Variants in ANKMY2 observed in about 807,000 individuals in gnomAD.
The protein encoded by ANKMY2 is ankyrin repeat and MYND domain-containing protein 2.
A neutral mutation model predicts 50.4 loss-of-function variants in ANKMY2; 36 were observed. The observed-to-expected ratio is 0.71, with a 90% confidence interval of 0.55 to 0.94. The LOEUF (loss-of-function observed/expected upper bound fraction) is 0.94, where lower values mean the gene tolerates loss of function less well. ANKMY2 is among the 40% of genes least tolerant of loss of function. The pLI is 0.00. For synonymous variants in ANKMY2, 187 were observed against 178.8 expected, an observed-to-expected ratio of 1.05 and a Z score of -0.36; for missense variants, 565 against 524.0, an observed-to-expected ratio of 1.08 and a Z score of -0.76.
In ANKMY2 at chr7:16,617,914, CGT is replaced by C. The variant is rs1491329648; in HGVS notation, c.371-2012_371-2011del. ...GCCAGGAGTTGGAGGCTACAGTGAG[CGT>C]GTTTTTTTTTTTTTTTTTTTTTTTT... On this transcript the variant is annotated intron_variant, in intron 4 of 9. Transcript: ENST00000306999. Among the ~76,000 whole-genome samples, 51 of 125,042 alleles carry C rather than the reference CGT, an allele frequency of 4.1e-4. No homozygotes were observed. The Middle Eastern group carries it at 0.013, about 31-fold the overall frequency. 82.0% of individuals were successfully genotyped at this position (125,042 alleles called of 152,430 possible).
intron 8 of ANKMY2, chr7:16,603,763 C>T (rs1193562210): frequency 2.1e-6 from 1 of 466,704 alleles, no homozygotes; most frequent in African/African-American, 2.0e-5. Context: ...GAGAGGTCTT[C>T]TGTGTTTCTA....
chr7:16,643,366 A>C (rs142789041), intron 1 of ANKMY2, among the ~76,000 whole-genome samples: 3 of 152,358 alleles, frequency 2.0e-5, no homozygotes, highest in Non-Finnish European at 2.9e-5. Flanking sequence ...ATAACAGTCA[A>C]TAAACGTTGG....
At chr7:16,603,659 C>T (rs1011128365) in intron 8 of ANKMY2, 21 of 471,056 alleles carry the variant, frequency 4.5e-5, no homozygotes, top group Non-Finnish European at 8.8e-5. Flanking sequence ...AAGTTCTCTG[C>T]ACTGAAGGGG....
At chr7:16,615,658 G>C (rs1055088355) in intron 5 of ANKMY2, 86 bp downstream of exon 5, 9 of 1,546,590 alleles carry the variant, frequency 5.8e-6, no homozygotes, top group Middle Eastern at 1.8e-4. Context: ...CCCACCCCAA[G>C]ACAATTATGA....
Position 16,615,860 on chromosome 7 carries a change from C to T in ANKMY2, c.415G>A (p.Glu139Lys). 2 of 1,613,942 alleles carry T rather than the reference C, an allele frequency of 1.2e-6. No individual in the cohort carries two copies. The highest frequency in any genetic ancestry group is 2.2e-5 in the South Asian group (2 of 91,030). Reference protein sequence around the residue: ...VTIINNFFPRERLDYYTKPQG... With the variant: ...VTIINNFFPRKRLDYYTKPQG... ...GGCTTAGTGTAATAATCCAGTCTCT[C>T]TCGAGGAAAGAAATTGTTGATTATG... Residue 139 changes from glutamate (E) to lysine (K), a missense_variant, in exon 5 of 10, where the codon GAG becomes AAG. Glu to Lys is a moderately conservative substitution (Grantham distance 56). Coordinates refer to ENST00000306999, the MANE Select transcript of ANKMY2 (RefSeq NM_020319.3).
intron 1 of ANKMY2, among the ~76,000 whole-genome samples, chr7:16,643,748 G>A (rs889397356): frequency 2.0e-5 from 3 of 151,674 alleles, no homozygotes; most frequent in Admixed American, 6.5e-5. Context: ...GCCAGGCCCA[G>A]TGGCTCATGC....
At chr7:16,630,838 C>G (rs1038373910) in intron 2 of ANKMY2, among the ~76,000 whole-genome samples, 2 of 152,132 alleles carry the variant, frequency 1.3e-5, no homozygotes, top group African/African-American at 4.8e-5. Context: ...GAACAAAGCC[C>G]TGAAAGGAGT....
At chr7:16,620,035 G>C (rs1375609826) in intron 4 of ANKMY2, among the ~76,000 whole-genome samples, 1 of 152,196 alleles carries the variant, frequency 6.6e-6, no homozygotes, top group Non-Finnish European at 1.5e-5. Context: ...CAGAAAGCTA[G>C]GCAAAATATG....
At chr7:16,609,890 TGAC>T (rs369114249) in intron 6 of ANKMY2, 125 bp from the exon 7 acceptor site, 1 of 1,188,002 alleles carries the variant, frequency 8.4e-7, no homozygotes, top group African/African-American at 1.6e-5. Context: ...CAAATCATGA[TGAC>T]GGGCTCAGTT....
At chr7:16,615,134 A>C (rs1340677925) in intron 5 of ANKMY2, among the ~76,000 whole-genome samples, 1 of 152,232 alleles carries the variant, frequency 6.6e-6, no homozygotes, top group Non-Finnish European at 1.5e-5. Flanking sequence ...TTACTGGAAG[A>C]ACTATGTTAT....
chr7:16,638,574 C>T (rs181652498), intron 1 of ANKMY2, among the ~76,000 whole-genome samples: 17 of 152,274 alleles, frequency 1.1e-4, no homozygotes, highest in African/African-American at 2.6e-4. Flanking sequence ...ACCTGTAGTT[C>T]AGTAATATTT....
intron 1 of ANKMY2, among the ~76,000 whole-genome samples, chr7:16,643,722 A>G (rs1314487133): frequency 1.3e-5 from 2 of 151,890 alleles, no homozygotes; most frequent in African/African-American, 4.9e-5. Flanking sequence ...TTCACTTTTA[A>G]GAGATCACAT....
Position 16,602,473 on chromosome 7 carries a change from A to G in ANKMY2, c.1048T>C (p.Trp350Arg). ...TTACAGATTTTCTTATGAGTAAACC[A>G]GTGTGTTTTCTGGCAGGTTTGATCA... is the stretch of plus-strand genomic sequence containing the variant. ...YCDQTCQKTH[W>R]FTHKKICKNL... The change falls in exon 9 of 10, where the codon TGG becomes CGG. Residue 350 changes from tryptophan to arginine, a missense_variant. By Grantham distance (101) the Trp-to-Arg change is moderately radical (BLOSUM62 -3). Transcript: ENST00000306999. 1 of 1,613,692 alleles carries G rather than the reference A, an allele frequency of 6.2e-7. No individual in the cohort carries two copies. The highest frequency in any genetic ancestry group is 8.5e-7 in the Non-Finnish European group (1 of 1,179,872).
chr7:16,621,780 C>T (rs1292330788), intron 4 of ANKMY2, among the ~76,000 whole-genome samples: 3 of 152,038 alleles, frequency 2.0e-5, no homozygotes, highest in Admixed American at 1.3e-4. Context: ...ACCAGCCTGG[C>T]CAACATGGCT....
chr7:16,644,816 G>A (rs1379233129), intron 1 of ANKMY2: 3 of 438,918 alleles, frequency 6.8e-6, no homozygotes, highest in Middle Eastern at 3.5e-4. Context: ...GGCACGCCTT[G>A]GGGGAGTGGA....
At chr7:16,623,317 C>T (rs1300545577) in intron 4 of ANKMY2, among the ~76,000 whole-genome samples, 5 of 151,988 alleles carry the variant, frequency 3.3e-5, no homozygotes, top group Non-Finnish European at 7.4e-5. Flanking sequence ...GGAATGAAAA[C>T]ATTACTCTTA....
At chr7:16,621,766 C>T (rs1781438813) in intron 4 of ANKMY2, among the ~76,000 whole-genome samples, 1 of 151,946 alleles carries the variant, frequency 6.6e-6, no homozygotes, top group Non-Finnish European at 1.5e-5. Flanking sequence ...GTCAAGAGTT[C>T]GAGACCAGCC....
intron 3 of ANKMY2, among the ~76,000 whole-genome samples, chr7:16,626,180 G>A (rs1036487502): frequency 2.5e-4 from 38 of 151,854 alleles, no homozygotes; most frequent in African/African-American, 8.0e-4. Flanking sequence ...GGGGTCTCAT[G>A]GTGTTGCCTA....
intron 4 of ANKMY2, among the ~76,000 whole-genome samples, chr7:16,621,215 T>C (rs1781430294): frequency 6.6e-6 from 1 of 152,178 alleles, no homozygotes; most frequent in Non-Finnish European, 1.5e-5. Context: ...ATTCTTACCA[T>C]GTGGACAGTA....
Sources: gnomAD v4.1 joint callset for allele counts (sites outside exome capture counted in the v4.1 genomes callset) on GRCh38, gnomAD v4.1.1 for gene constraint, MANE v1.5 for transcripts, NCBI Gene and HGNC (gene_info 2026-07-23, HGNC 2026-07-21) for gene names.